EFCAB11: variants seen among roughly 807,000 people sequenced by gnomAD.
EFCAB11 encodes EF-hand calcium-binding domain-containing protein 11.
A neutral mutation model predicts 23.0 loss-of-function variants in EFCAB11; 14 were observed. That is an observed-to-expected ratio of 0.61 (90% CI 0.40 to 0.95). The LOEUF (loss-of-function observed/expected upper bound fraction) is 0.95. Ranked by LOEUF, EFCAB11 falls within the 40% of genes least tolerant of loss-of-function variation. The probability of loss-of-function intolerance (pLI) is 0.00; values close to 1 mark genes in which losing one functional copy is unlikely to be tolerated. For synonymous variants in EFCAB11, 65 were observed against 66.6 expected (o/e 0.98, Z 0.11); for missense variants, 198 against 195.8 (o/e 1.01, Z -0.07).
intron 5 of EFCAB11, chr14:89,930,898 G>A (rs536372682): frequency 6.6e-6 from 1 of 152,242 alleles, no homozygotes; most frequent in Non-Finnish European, 1.5e-5. Flanking sequence ...AGACAGCTCT[G>A]CTGTGTTCTC....
chr14:89,922,904 G>A (rs1030100991), intron 5 of EFCAB11, among the ~76,000 whole-genome samples: 45 of 152,224 alleles, frequency 3.0e-4, no homozygotes, highest in African/African-American at 9.9e-4. Flanking sequence ...GAGTAGGGCC[G>A]GCTTTCAAGA....
Position 89,954,004 on chromosome 14 carries a change from G to A in EFCAB11, c.76-3C>T, listed in dbSNP as rs1228925989. The A allele has an allele frequency of 6.2e-7, 1 of 1,609,134 alleles. No homozygotes were observed. Among genetic ancestry groups the A allele is most frequent in the Non-Finnish European group, 8.5e-7 (1 of 1,177,206 alleles). On this transcript the variant is annotated splice_region_variant and splice_polypyrimidine_tract_variant and intron_variant, in intron 1 of 5. Coordinates refer to ENST00000316738, the MANE Select transcript of EFCAB11 (RefSeq NM_145231.4). ...TCTTCATCACATGCTTTAAATACCT[G>A]AAGAACATTAAATAGCTTTAGTTAA... is the stretch of plus-strand genomic sequence containing the variant.
intron 5 of EFCAB11, among the ~76,000 whole-genome samples, chr14:89,915,504 G>A (rs1889813097): frequency 6.6e-6 from 1 of 152,092 alleles, no homozygotes; most frequent in African/African-American, 2.4e-5. Context: ...CTCTCAATCT[G>A]TTTGGTTCAT....
chr14:89,863,477 T>C (rs13379100), intron 5 of EFCAB11, among the ~76,000 whole-genome samples: 5,576 of 152,328 alleles, frequency 0.037, 354 homozygotes, highest in African/African-American at 0.13. Context: ...TCTGCAGGCT[T>C]TCTCCTCTCA....
intron 5 of EFCAB11, among the ~76,000 whole-genome samples, chr14:89,856,409 C>T (rs1450719392): frequency 6.6e-6 from 1 of 152,130 alleles, no homozygotes; most frequent in African/African-American, 2.4e-5. Flanking sequence ...AGGCTGGTCT[C>T]GAACTCCTGA....
intron 5 of EFCAB11, among the ~76,000 whole-genome samples, chr14:89,819,883 T>TA (rs1886453916): frequency 6.6e-6 from 1 of 152,158 alleles, no homozygotes; most frequent in African/African-American, 2.4e-5. Context: ...AATAAAAATG[T>TA]AAAAAATAAT....
At chr14:89,798,756 C>G (rs1048132078) in intron 5 of EFCAB11, among the ~76,000 whole-genome samples, 6 of 152,164 alleles carry the variant, frequency 3.9e-5, no homozygotes, top group Admixed American at 6.6e-5. Flanking sequence ...CTTTGCCTGA[C>G]TTTCTCAGTA....
intron 5 of EFCAB11, among the ~76,000 whole-genome samples, chr14:89,896,053 C>T (rs1164288557): frequency 6.6e-6 from 1 of 151,998 alleles, no homozygotes; most frequent in Non-Finnish European, 1.5e-5. Flanking sequence ...CAAATCAAGC[C>T]GACAATGAGA....
At chr14:89,811,338 T>A (rs1886144972) in intron 5 of EFCAB11, among the ~76,000 whole-genome samples, 2 of 152,166 alleles carry the variant, frequency 1.3e-5, no homozygotes, top group African/African-American at 4.8e-5. Context: ...GTCATCAAAG[T>A]GCTTCAAGAA....
intron 5 of EFCAB11, among the ~76,000 whole-genome samples, chr14:89,881,469 T>TATATATATATATATATATATATATATA (rs1566795113): frequency 3.3e-4 from 3 of 9,004 alleles, no homozygotes; most frequent in African/African-American, 1.1e-3. Flanking sequence ...ATATATATTC[T>TATATATATATATATATATATATATATA]TTTTTTTTTT....
chr14:89,939,434 C>T (rs1000841091), intron 3 of EFCAB11, among the ~76,000 whole-genome samples: 19 of 152,280 alleles, frequency 1.2e-4, no homozygotes, highest in African/African-American at 3.9e-4. Flanking sequence ...CAGGCACTGA[C>T]GTGGACAGCA....
intron 5 of EFCAB11, among the ~76,000 whole-genome samples, chr14:89,872,355 CT>C (rs1399156262): frequency 6.6e-6 from 1 of 152,186 alleles, no homozygotes; most frequent in Non-Finnish European, 1.5e-5. Context: ...AGGTCTAAGC[CT>C]TTAGGGAAGC....
intron 5 of EFCAB11, among the ~76,000 whole-genome samples, chr14:89,912,206 G>GA (rs1889702450): frequency 1.3e-5 from 2 of 151,944 alleles, no homozygotes; most frequent in African/African-American, 2.4e-5. Flanking sequence ...ATTGAAAAAA[G>GA]AAAAAACTAG....
chr14:89,803,885 T>C (rs766411899), intron 5 of EFCAB11, among the ~76,000 whole-genome samples: 1 of 152,186 alleles, frequency 6.6e-6, no homozygotes, highest in Non-Finnish European at 1.5e-5. Context: ...CAGCTGGTAA[T>C]GTGTTTATTA....
At chr14:89,811,647 A>C (rs1277497737) in intron 5 of EFCAB11, among the ~76,000 whole-genome samples, 1 of 152,154 alleles carries the variant, frequency 6.6e-6, no homozygotes, top group Non-Finnish European at 1.5e-5. Flanking sequence ...TTGATGGAGA[A>C]AAAGCCATGA....
At chr14:89,863,468 C>T (rs1334415952) in intron 5 of EFCAB11, among the ~76,000 whole-genome samples, 1 of 152,262 alleles carries the variant, frequency 6.6e-6, no homozygotes, top group African/African-American at 2.4e-5. Context: ...CTCCCATCCT[C>T]TGCAGGCTTT....
At chr14:89,920,343 A>C (rs1000823956) in intron 5 of EFCAB11, among the ~76,000 whole-genome samples, 3 of 152,240 alleles carry the variant, frequency 2.0e-5, no homozygotes, top group Non-Finnish European at 2.9e-5. Context: ...GGCAGAGTGA[A>C]TAGGCCTTGC....
intron 5 of EFCAB11, among the ~76,000 whole-genome samples, chr14:89,883,324 C>A (rs1175051564): frequency 6.6e-6 from 1 of 152,100 alleles, no homozygotes; most frequent in Non-Finnish European, 1.5e-5. Context: ...AGAAATACTG[C>A]CATTAAGCTT....
At chr14:89,893,740 A>G (rs537399125) in intron 5 of EFCAB11, among the ~76,000 whole-genome samples, 1 of 151,760 alleles carries the variant, frequency 6.6e-6, no homozygotes, top group Non-Finnish European at 1.5e-5. Context: ...TATCCATTTC[A>G]AGAATATCCC....
Sources: gnomAD v4.1 joint callset for allele counts (sites outside exome capture counted in the v4.1 genomes callset) on GRCh38, gnomAD v4.1.1 for gene constraint, MANE v1.5 for transcripts, NCBI Gene and HGNC (gene_info 2026-07-23, HGNC 2026-07-21) for gene names.